Variants in CD109 observed in about 807,000 individuals in gnomAD.
CD109 encodes CD109 molecule, also known as CD109 antigen.
In CD109, 149 loss-of-function variants were observed where a neutral mutation model predicts 165.8. That is an observed-to-expected ratio of 0.90 (90% confidence interval 0.79 to 1.03). CD109 has a LOEUF of 1.03. Ranked by LOEUF, CD109 falls within the 50% of genes least tolerant of loss-of-function variation. The pLI, the probability that CD109 is intolerant of heterozygous loss-of-function variation, is 0.00. For missense variants in CD109, 1,712 were observed against 1,677.8 expected, an observed-to-expected ratio of 1.02 and a Z score of -0.36; for synonymous variants, 585 against 592.1, an observed-to-expected ratio of 0.99 and a Z score of 0.18.
intron 21 of CD109, among the ~76,000 whole-genome samples, chr6:73,788,186 A>T (rs1367876193): frequency 6.6e-6 from 1 of 152,230 alleles, no homozygotes; most frequent in African/African-American, 2.4e-5. Flanking sequence ...AATGAAGGGT[A>T]CTGTACTTAG....
chr6:73,782,848 A>G, intron 18 of CD109, 93 bp downstream of exon 18: 12 of 1,223,580 alleles, frequency 9.8e-6, no homozygotes, highest in Non-Finnish European at 1.4e-5. Flanking sequence ...AAGTACAAAC[A>G]TAGTGTAACT....
intron 10 of CD109, among the ~76,000 whole-genome samples, chr6:73,765,279 T>A (rs1009540690): frequency 6.6e-6 from 1 of 150,556 alleles, no homozygotes; most frequent in African/African-American, 2.4e-5. Context: ...GGCAGCCTTG[T>A]GGTGGTAGCT....
intron 15 of CD109, among the ~76,000 whole-genome samples, chr6:73,780,031 T>G (rs1774418485): frequency 7.4e-6 from 1 of 135,090 alleles, no homozygotes; most frequent in Non-Finnish European, 1.6e-5. Flanking sequence ...TTTTTTTTTT[T>G]GTAAATTTAG....
At chr6:73,791,136 C>CACACACACACACAT (rs1478783898) in intron 22 of CD109, among the ~76,000 whole-genome samples, 1 of 56,334 alleles carries the variant, frequency 1.8e-5, no homozygotes, top group African/African-American at 9.6e-5. Flanking sequence ...TACATACATA[C>CACACACACACACAT]ATATATATAT....
intron 4 of CD109, among the ~76,000 whole-genome samples, chr6:73,732,701 C>CCCAGACATCAAT (rs1343771090): frequency 2.0e-5 from 3 of 152,220 alleles, no homozygotes; most frequent in African/African-American, 7.2e-5. Context: ...TAGACATCAA[C>CCCAGACATCAAT]CCAGAACTAA....
At chr6:73,763,445 A>G in intron 9 of CD109, 131 bp from the exon 10 acceptor site, 2 of 536,992 alleles carry the variant, frequency 3.7e-6, no homozygotes, top group East Asian at 2.9e-5. Context: ...CAAAGTCAAT[A>G]TGGGAATGAG....
chr6:73,788,286 G>A (rs916774855), intron 21 of CD109, among the ~76,000 whole-genome samples, 182 bp from the exon 22 acceptor site: 1 of 152,176 alleles, frequency 6.6e-6, no homozygotes, highest in African/African-American at 2.4e-5. Context: ...TGAAATGAAT[G>A]TATTACTTGT....
chr6:73,715,473 G>T (rs1201423773), intron 2 of CD109, among the ~76,000 whole-genome samples: 1 of 150,354 alleles, frequency 6.7e-6, no homozygotes, highest in Non-Finnish European at 1.5e-5. Context: ...GCTGAGGCAG[G>T]AAGATCGCTT....
intron 15 of CD109, among the ~76,000 whole-genome samples, chr6:73,778,088 C>A (rs1315845468): frequency 1.3e-5 from 2 of 152,124 alleles, no homozygotes; most frequent in East Asian, 3.8e-4. Flanking sequence ...TTTCTTTGAG[C>A]AGTGGTTTGT....
At chr6:73,809,063 A>G (rs1258265926) in intron 26 of CD109, among the ~76,000 whole-genome samples, 1 of 151,984 alleles carries the variant, frequency 6.6e-6, no homozygotes, top group Non-Finnish European at 1.5e-5. Context: ...AGTCTTTGAC[A>G]TTTTTTCTTC....
intron 5 of CD109, 61 bp downstream of exon 5, chr6:73,736,569 G>GA: frequency 7.0e-7 from 1 of 1,424,062 alleles, no homozygotes; most frequent in Non-Finnish European, 9.5e-7. Context: ...TCAGGTGGGG[G>GA]AAAATCTCCA....
At chr6:73,745,405 A>T (rs1041294911) in intron 5 of CD109, among the ~76,000 whole-genome samples, 1 of 152,114 alleles carries the variant, frequency 6.6e-6, no homozygotes, top group Non-Finnish European at 1.5e-5. Flanking sequence ...ATGCCTGGCC[A>T]GCAATTGCTG....
At chr6:73,770,852 T>C (rs1562058233) in intron 14 of CD109, among the ~76,000 whole-genome samples, 1 of 152,122 alleles carries the variant, frequency 6.6e-6, no homozygotes, top group Non-Finnish European at 1.5e-5. Flanking sequence ...TATTAGTAGG[T>C]CCAGGACCAT....
chr6:73,775,291 T>C (rs916442289), intron 15 of CD109, among the ~76,000 whole-genome samples: 23 of 152,284 alleles, frequency 1.5e-4, no homozygotes, highest in African/African-American at 5.1e-4. Context: ...CAAATTTACA[T>C]ATTTATCATT....
intron 3 of CD109, among the ~76,000 whole-genome samples, chr6:73,728,886 AC>A (rs1772239503): frequency 6.6e-6 from 1 of 152,226 alleles, no homozygotes; most frequent in Non-Finnish European, 1.5e-5. Flanking sequence ...AATAAATTAA[AC>A]TTTTATTACT....
At chr6:73,742,287 T>A (rs1350531951) in intron 5 of CD109, among the ~76,000 whole-genome samples, 2 of 152,064 alleles carry the variant, frequency 1.3e-5, no homozygotes, top group Non-Finnish European at 2.9e-5. Flanking sequence ...CTGGCTTTTT[T>A]CTCTTAGCAT....
chr6:73,702,051 T>C (rs1771104089), intron 2 of CD109, among the ~76,000 whole-genome samples: 1 of 152,214 alleles, frequency 6.6e-6, no homozygotes, highest in South Asian at 2.1e-4. Context: ...ATTTTTTAAA[T>C]GCTGCCAATC....
At chr6:73,781,206 T>G in intron 16 of CD109, 53 bp from the exon 17 acceptor site, 1 of 1,455,936 alleles carries the variant, frequency 6.9e-7, no homozygotes, top group Non-Finnish European at 9.6e-7. Context: ...CTTGATAATT[T>G]AGTGAGCATT....
intron 2 of CD109, among the ~76,000 whole-genome samples, chr6:73,701,154 T>G (rs761828217): frequency 1.1e-4 from 17 of 151,762 alleles, no homozygotes; most frequent in Non-Finnish European, 1.0e-4. Flanking sequence ...GAAAAAGTAT[T>G]TCTGCTACAC....
Sources: gnomAD v4.1 joint callset for allele counts (sites outside exome capture counted in the v4.1 genomes callset) on GRCh38, gnomAD v4.1.1 for gene constraint, MANE v1.5 for transcripts, NCBI Gene and HGNC (gene_info 2026-07-23, HGNC 2026-07-21) for gene names.